SPECC1: variants seen among roughly 807,000 people sequenced by gnomAD.
SPECC1 encodes the protein sperm antigen with calponin homology and coiled-coil domains 1.
In SPECC1, 62 loss-of-function variants were observed where a neutral mutation model predicts 104.1. The ratio of observed to expected loss-of-function variants is 0.60; its 90% CI spans 0.49 to 0.74. The LOEUF (loss-of-function observed/expected upper bound fraction) is 0.74. Among genes scored for constraint, SPECC1 ranks in the 30% least tolerant of loss-of-function variants. The pLI is 0.00. For missense variants in SPECC1, 1,306 were observed against 1,310.5 expected, an observed-to-expected ratio of 1.00 and a Z score of 0.05; for synonymous variants, 513 against 501.6, an observed-to-expected ratio of 1.02 and a Z score of -0.30.
chr17:20,203,444 A>G (rs1360414668), intron 3 of SPECC1, among the ~76,000 whole-genome samples: 1 of 152,212 alleles, frequency 6.6e-6, no homozygotes, highest in Admixed American at 6.5e-5. Flanking sequence ...AATTATTTAC[A>G]CCTTACATTT....
intron 9 of SPECC1, 47 bp from the exon 10 acceptor site, chr17:20,253,458 C>T: frequency 6.3e-7 from 1 of 1,587,426 alleles, no homozygotes; most frequent in Non-Finnish European, 8.6e-7. Flanking sequence ...TTGTGCTATT[C>T]TTGATGTTAT....
chr17:20,075,196 C>A (rs1032372946), intron 1 of SPECC1, among the ~76,000 whole-genome samples: 4 of 152,382 alleles, frequency 2.6e-5, no homozygotes, highest in East Asian at 1.9e-4. Flanking sequence ...AGCCCCCACA[C>A]CTGGCCCCAA....
chr17:20,236,417 AC>A (rs2038914206), intron 7 of SPECC1, among the ~76,000 whole-genome samples: 1 of 151,970 alleles, frequency 6.6e-6, no homozygotes, highest in Non-Finnish European at 1.5e-5. Context: ...CTGTTCTCTG[AC>A]CCCTGATTTT....
chr17:20,266,322 G>A (rs929563525), intron 12 of SPECC1, among the ~76,000 whole-genome samples: 4 of 152,100 alleles, frequency 2.6e-5, no homozygotes, highest in Admixed American at 6.6e-5. Flanking sequence ...GGTGACTCAC[G>A]CCTGTAATCC....
At chr17:20,215,626 C>G (rs1386380124) in intron 4 of SPECC1, among the ~76,000 whole-genome samples, 1 of 152,194 alleles carries the variant, frequency 6.6e-6, no homozygotes, top group Non-Finnish European at 1.5e-5. Context: ...TAAATGATTT[C>G]TCATAGCCAG....
At chr17:20,300,286 G>A (rs1163010292) in intron 13 of SPECC1, among the ~76,000 whole-genome samples, 1 of 152,124 alleles carries the variant, frequency 6.6e-6, no homozygotes, top group East Asian at 1.9e-4. Context: ...CCTGAGCTGG[G>A]GCCACAGGCT....
chr17:20,209,664 T>G (rs1039712128), intron 4 of SPECC1, among the ~76,000 whole-genome samples: 2 of 152,216 alleles, frequency 1.3e-5, no homozygotes, highest in Non-Finnish European at 2.9e-5. Flanking sequence ...TCACATGACA[T>G]ACTTCTGTAC....
At chr17:20,273,193 A>G (rs2151639999) in intron 12 of SPECC1, among the ~76,000 whole-genome samples, 1 of 152,326 alleles carries the variant, frequency 6.6e-6, no homozygotes, top group Admixed American at 6.5e-5. Context: ...ATCAGAAAAG[A>G]GGCCTGTGGG....
At chr17:20,153,141 A>C (rs2032166229) in intron 3 of SPECC1, among the ~76,000 whole-genome samples, 1 of 152,178 alleles carries the variant, frequency 6.6e-6, no homozygotes, top group South Asian at 2.1e-4. Context: ...ATGAATAAGC[A>C]TTTGCCAGGC....
chr17:20,261,012 A>G (rs1035062281), intron 12 of SPECC1, among the ~76,000 whole-genome samples: 8 of 152,222 alleles, frequency 5.3e-5, no homozygotes, highest in African/African-American at 1.9e-4. Flanking sequence ...TTCTGGAATT[A>G]TTTAAGTAAA....
At chr17:20,215,678 C>CA (rs940333236) in intron 4 of SPECC1, among the ~76,000 whole-genome samples, 7 of 152,140 alleles carry the variant, frequency 4.6e-5, no homozygotes, top group Admixed American at 3.9e-4. Context: ...TAAAAATTTA[C>CA]AAAAAATAAC....
At chr17:20,293,698 G>A (rs1233516100) in intron 12 of SPECC1, among the ~76,000 whole-genome samples, 1 of 152,328 alleles carries the variant, frequency 6.6e-6, no homozygotes, top group South Asian at 2.1e-4. Flanking sequence ...ACCCAACACA[G>A]ACCTAAAACT....
chr17:20,192,642 C>T (rs976249944), intron 3 of SPECC1, among the ~76,000 whole-genome samples: 1 of 152,216 alleles, frequency 6.6e-6, no homozygotes, highest in East Asian at 1.9e-4. Flanking sequence ...ACTCTCTCTG[C>T]TTTCTCTTCT....
At chr17:20,016,887 C>T (rs140171215) in intron 1 of SPECC1, among the ~76,000 whole-genome samples, 3 of 152,386 alleles carry the variant, frequency 2.0e-5, no homozygotes, top group East Asian at 3.9e-4. Context: ...AGCTGGGCTC[C>T]TGAGTCTGGT....
intron 3 of SPECC1, among the ~76,000 whole-genome samples, chr17:20,175,166 G>T (rs2034383646): frequency 6.6e-6 from 1 of 152,264 alleles, no homozygotes; most frequent in South Asian, 2.1e-4. Context: ...TCAGCCTGCA[G>T]CCCCCAGAGG....
rs146012973 is a variant in SPECC1, at chr17:20,246,322, T to C, written c.2497+251T>C. ...TCTCTACCGCTTCCTTCCATCCAGTTCCTGCCTTGCTACCTTTCTTTTCTG... is the reference window on the plus strand; with the variant it reads ...TCTCTACCGCTTCCTTCCATCCAGTCCCTGCCTTGCTACCTTTCTTTTCTG... On this transcript the variant is annotated intron_variant, in intron 8 of 14. Coordinates refer to ENST00000395527, the MANE Select transcript of SPECC1 (RefSeq NM_001243439.2). 1.4e-3 allele frequency among the ~76,000 whole-genome samples: 209 copies of C among 152,324 alleles called. 1 individual carries two copies. The highest frequency in any genetic ancestry group is 4.9e-3 in the African/African-American group (204 of 41,570).
In SPECC1 at chr17:20,246,069, C is replaced by G. The variant is rs1052544222; in HGVS notation, c.2495C>G (p.Pro832Arg). 6 of 1,613,880 alleles carry G rather than the reference C, an allele frequency of 3.7e-6. No homozygotes were observed. The highest frequency in any genetic ancestry group is 1.3e-5 in the African/African-American group (1 of 75,028). ...ATCAAGTCATTTGACTTGGGACGCCCAGGTATTTAATCATTTTTTCTATAA... is the reference window on the plus strand; with the variant it reads ...ATCAAGTCATTTGACTTGGGACGCCGAGGTATTTAATCATTTTTTCTATAA... ...SLIKSFDLGR[P>R]GGAGQNISVH... The change falls in exon 8 of 15, where the codon CCA (proline) becomes CGA (arginine). Residue 832 changes from proline (P) to arginine (R), a missense_variant and splice_region_variant. Transcript: ENST00000395527.
At chr17:20,047,113 T>C (rs2045569809) in intron 1 of SPECC1, among the ~76,000 whole-genome samples, 1 of 152,228 alleles carries the variant, frequency 6.6e-6, no homozygotes, top group Admixed American at 6.5e-5. Flanking sequence ...TGGGCTGGAT[T>C]AGGACTACAT....
At chr17:20,112,181 T>G in intron 3 of SPECC1, 1 of 763,876 alleles carries the variant, frequency 1.3e-6, no homozygotes, top group Non-Finnish European at 2.4e-6. Context: ...GCCCACATGT[T>G]TAAGGACAAA....
Sources: gnomAD v4.1 joint callset for allele counts (sites outside exome capture counted in the v4.1 genomes callset) on GRCh38, gnomAD v4.1.1 for gene constraint, MANE v1.5 for transcripts, NCBI Gene and HGNC (gene_info 2026-07-23, HGNC 2026-07-21) for gene names.